ARAP2: variants seen among roughly 807,000 people sequenced by gnomAD.
ARAP2 encodes the protein ArfGAP with RhoGAP domain, ankyrin repeat and PH domain 2.
A neutral mutation model predicts 194.5 loss-of-function variants in ARAP2; 148 were observed. That is an observed-to-expected ratio of 0.76 (90% CI 0.67 to 0.87). The LOEUF (loss-of-function observed/expected upper bound fraction) is 0.87, where lower values mean the gene tolerates loss of function less well. Ranked by LOEUF, ARAP2 falls within the 40% of genes least tolerant of loss-of-function variation. ARAP2 has a pLI of 0.00. For missense variants in ARAP2, 2,128 were observed against 1,989.7 expected, an observed-to-expected ratio of 1.07 and a Z score of -1.32; for synonymous variants, 695 against 683.5, an observed-to-expected ratio of 1.02 and a Z score of -0.26.
At chr4:36,232,509 C>G (rs754152508) in intron 1 of ARAP2, among the ~76,000 whole-genome samples, 5 of 152,188 alleles carry the variant, frequency 3.3e-5, no homozygotes, top group Admixed American at 2.6e-4. Context: ...GACAGGCATT[C>G]CTATGTATCA....
At chr4:36,151,139 GTAAA>G (rs1406109062) in intron 15 of ARAP2, 95 bp from the exon 16 acceptor site, 6 of 1,074,530 alleles carry the variant, frequency 5.6e-6, no homozygotes, top group Non-Finnish European at 7.8e-6. Context: ...CTGGATGCAA[GTAAA>G]TAAATTTATT....
chr4:36,074,497 T>C (rs1220348898), intron 31 of ARAP2, among the ~76,000 whole-genome samples: 1 of 152,004 alleles, frequency 6.6e-6, no homozygotes, highest in Non-Finnish European at 1.5e-5. Flanking sequence ...CAGGTAAAAA[T>C]ATAAGCTCTG....
intron 26 of ARAP2, among the ~76,000 whole-genome samples, chr4:36,111,758 G>T (rs189785438): frequency 1.3e-5 from 2 of 151,966 alleles, no homozygotes; most frequent in East Asian, 3.9e-4. Flanking sequence ...AATGTTTCTT[G>T]GTATAATGCA....
intron 1 of ARAP2, among the ~76,000 whole-genome samples, chr4:36,236,479 AAGAG>A (rs769314362): frequency 5.9e-5 from 9 of 152,204 alleles, no homozygotes; most frequent in Non-Finnish European, 8.8e-5. Flanking sequence ...TTAAAACAAA[AAGAG>A]AGCATACCAC....
intron 8 of ARAP2, among the ~76,000 whole-genome samples, chr4:36,183,526 C>T (rs1362017046): frequency 6.6e-6 from 1 of 152,192 alleles, no homozygotes; most frequent in Non-Finnish European, 1.5e-5. Flanking sequence ...AGCACCAGAA[C>T]TGTGCACTCA....
chr4:36,108,302 C>T (rs1005608027), intron 26 of ARAP2, among the ~76,000 whole-genome samples: 8 of 151,974 alleles, frequency 5.3e-5, no homozygotes, highest in East Asian at 1.9e-4. Context: ...TAATATTGTC[C>T]GTTACTAAAT....
chr4:36,084,335 A>T (rs997396741), intron 28 of ARAP2, among the ~76,000 whole-genome samples: 1 of 152,020 alleles, frequency 6.6e-6, no homozygotes, highest in African/African-American at 2.4e-5. Flanking sequence ...ATGTTTTGTA[A>T]CTCCCCATCA....
At chr4:36,241,555 A>G (rs1172187064) in intron 1 of ARAP2, among the ~76,000 whole-genome samples, 1 of 152,212 alleles carries the variant, frequency 6.6e-6, no homozygotes, top group African/African-American at 2.4e-5. Flanking sequence ...CTTCCCTCCA[A>G]GAGTTTACAA....
chr4:36,109,363 C>A (rs1193494124), intron 26 of ARAP2, among the ~76,000 whole-genome samples: 1 of 151,774 alleles, frequency 6.6e-6, no homozygotes, highest in African/African-American at 2.4e-5. Context: ...TTATATATCC[C>A]CTATTCACAG....
intron 6 of ARAP2, among the ~76,000 whole-genome samples, chr4:36,207,387 AC>A (rs1447125406): frequency 6.6e-6 from 1 of 152,190 alleles, no homozygotes; most frequent in African/African-American, 2.4e-5. Flanking sequence ...TTTCTTTCAC[AC>A]AGTTTTTAAA....
chr4:36,124,750 G>A, intron 22 of ARAP2, 112 bp downstream of exon 22: 1 of 579,642 alleles, frequency 1.7e-6, no homozygotes. Context: ...TACAGAAAGA[G>A]AGACTAAGGT....
intron 2 of ARAP2, among the ~76,000 whole-genome samples, chr4:36,215,038 C>G (rs1183774002): frequency 3.9e-5 from 6 of 152,146 alleles, no homozygotes; most frequent in Admixed American, 3.9e-4. Context: ...AACATGATAA[C>G]AGCAGTGGCA....
chr4:36,159,557 C>A, intron 13 of ARAP2, 52 bp from the exon 14 acceptor site: 1 of 1,362,918 alleles, frequency 7.3e-7, no homozygotes, highest in Non-Finnish European at 9.7e-7. Flanking sequence ...AAGATTCTAG[C>A]TATTAAAATG....
chr4:36,228,998 C>A lies in ARAP2; in HGVS notation c.489G>T (p.Leu163Phe), dbSNP rs1750912781. The stretch of plus-strand genomic sequence containing the variant: ...CAAATAAAGAATCATTCAAAGAACC[C>A]AAATTCAGGTGTGGTTCCTCTGCAG... ...FPTAEEPHLN[L>F]GSLNDSLFGS... Residue 163 changes from leucine to phenylalanine, a missense_variant, in exon 2 of 33, where the codon TTG becomes TTT. Transcript: ENST00000303965. 1.1e-5 allele frequency: 18 copies of A among 1,613,966 alleles called. No individual in the cohort carries two copies. The highest frequency in any genetic ancestry group is 1.4e-5 in the Non-Finnish European group (17 of 1,180,016).
At chr4:36,181,285 T>C (rs1739182051) in intron 8 of ARAP2, among the ~76,000 whole-genome samples, 1 of 152,202 alleles carries the variant, frequency 6.6e-6, no homozygotes, top group Non-Finnish European at 1.5e-5. Context: ...AGAATAAGTG[T>C]TGAAATTGCC....
intron 28 of ARAP2, among the ~76,000 whole-genome samples, chr4:36,085,438 C>A (rs181591184): frequency 9.9e-5 from 15 of 152,082 alleles, no homozygotes; most frequent in Admixed American, 5.9e-4. Context: ...TATTCTACCC[C>A]AATTTATGGA....
chr4:36,152,819 G>A (rs1018809990), intron 15 of ARAP2, among the ~76,000 whole-genome samples: 2 of 152,190 alleles, frequency 1.3e-5, no homozygotes, highest in Non-Finnish European at 2.9e-5. Flanking sequence ...TCATAGAAAG[G>A]TGAAACTGCA....
At chr4:36,011,338 TA>T (rs1714513414) in intron 9 of ARAP2, among the ~76,000 whole-genome samples, 1 of 152,204 alleles carries the variant, frequency 6.6e-6, no homozygotes, top group Non-Finnish European at 1.5e-5. Context: ...AAATGTTTGA[TA>T]AAACACTTAG....
At chr4:36,085,931 T>C (rs1249134970) in intron 28 of ARAP2, among the ~76,000 whole-genome samples, 2 of 152,104 alleles carry the variant, frequency 1.3e-5, no homozygotes, top group African/African-American at 4.8e-5. Flanking sequence ...TTCTATAGCC[T>C]GCTAATTTGC....
Sources: gnomAD v4.1 joint callset for allele counts (sites outside exome capture counted in the v4.1 genomes callset) on GRCh38, gnomAD v4.1.1 for gene constraint, MANE v1.5 for transcripts, NCBI Gene and HGNC (gene_info 2026-07-23, HGNC 2026-07-21) for gene names.